The following GNB1 variants were observed in gnomAD, a reference collection of about 807,000 sequenced individuals.
GNB1 encodes G protein subunit beta 1, also known as guanine nucleotide-binding protein G(I)/G(S)/G(T) subunit beta-1.
In GNB1, 2 loss-of-function variants were observed where a neutral mutation model predicts 42.9. The observed-to-expected ratio is 0.05, with a 90% CI of 0.02 to 0.15. GNB1 has a LOEUF of 0.15. Among genes scored for constraint, GNB1 ranks in the 10% least tolerant of loss-of-function variants. The probability of loss-of-function intolerance (pLI) is 1.00; values close to 1 mark genes in which losing one functional copy is unlikely to be tolerated. For synonymous variants in GNB1, 183 were observed against 174.7 expected (o/e 1.05, Z -0.38); for missense variants, 193 against 462.2 (o/e 0.42, Z 5.34).
At chr1:1,847,295 A>G (rs1295970454) in intron 1 of GNB1, among the ~76,000 whole-genome samples, 2 of 152,218 alleles carry the variant, frequency 1.3e-5, no homozygotes, top group African/African-American at 4.8e-5. Flanking sequence ...AGACTGGGAC[A>G]ACAAAATCCC....
intron 1 of GNB1, among the ~76,000 whole-genome samples, chr1:1,844,391 CA>C (rs66531711): frequency 0.9 from 114,850 of 128,286 alleles, 51,242 homozygotes; most frequent in Non-Finnish European, 0.94. Flanking sequence ...ACTCCGTCTC[CA>C]AAAAAAAAAA....
intron 1 of GNB1, among the ~76,000 whole-genome samples, chr1:1,858,668 C>T (rs1648435743): frequency 6.6e-6 from 1 of 152,148 alleles, no homozygotes; most frequent in Non-Finnish European, 1.5e-5. Flanking sequence ...AACAAGATGC[C>T]AGGGACACTG....
intron 1 of GNB1, among the ~76,000 whole-genome samples, chr1:1,841,381 T>C (rs570250226): frequency 3.0e-4 from 45 of 152,282 alleles, no homozygotes; most frequent in African/African-American, 8.9e-4. Context: ...GGTTTCACTA[T>C]GTTGGCCAGG....
At chr1:1,848,906 A>G in intron 1 of GNB1, among the ~76,000 whole-genome samples, 1 of 152,194 alleles carries the variant, frequency 6.6e-6, no homozygotes, top group East Asian at 1.9e-4. Context: ...GTTCCTCAGA[A>G]GGAGCTTCAA....
chr1:1,888,754 C>G (rs1650299147), intron 1 of GNB1, among the ~76,000 whole-genome samples: 1 of 152,154 alleles, frequency 6.6e-6, no homozygotes, highest in Non-Finnish European at 1.5e-5. Context: ...AAGAGAATCA[C>G]TTGAACCCGG....
chr1:1,861,142 C>T (rs1374685915), intron 1 of GNB1, among the ~76,000 whole-genome samples: 4 of 149,746 alleles, frequency 2.7e-5, no homozygotes, highest in Admixed American at 2.7e-4. Context: ...AACTGACTTC[C>T]CAATCTTTGT....
At position 1,849,260 on chromosome 1, in the gene GNB1, T is replaced by C. The variant is rs1446113384; in HGVS notation, c.-95-10022A>G. On this transcript the variant is annotated intron_variant, in intron 1 of 11. Coordinates refer to ENST00000378609, the MANE Select transcript of GNB1 (RefSeq NM_002074.5). Reference sequence around the variant, plus strand: ...TGAGACTCTGCTAGGCCTTGCTGTATATATCTCTTCATTTGCCTGGTCTGA... The same window carrying C: ...TGAGACTCTGCTAGGCCTTGCTGTACATATCTCTTCATTTGCCTGGTCTGA... Among the ~76,000 whole-genome samples, 7 of 152,314 alleles carry C rather than the reference T, an allele frequency of 4.6e-5. No homozygotes were observed. The East Asian group carries it at 1.3e-3, about 29-fold the overall frequency.
chr1:1,860,030 C>G (rs928106580), intron 1 of GNB1, among the ~76,000 whole-genome samples: 1 of 152,058 alleles, frequency 6.6e-6, no homozygotes, highest in South Asian at 2.1e-4. Flanking sequence ...ACGTTGTGCA[C>G]ATGTACCCTA....
intron 2 of GNB1, among the ~76,000 whole-genome samples, chr1:1,836,885 AG>A (rs1434549082): frequency 2.8e-5 from 4 of 141,372 alleles, no homozygotes; most frequent in Admixed American, 2.2e-4. Context: ...TTGAAGAGAC[AG>A]GGGTCTCACT....
intron 2 of GNB1, among the ~76,000 whole-genome samples, chr1:1,837,820 C>G (rs1557916159): frequency 6.6e-6 from 1 of 151,908 alleles, no homozygotes; most frequent in Non-Finnish European, 1.5e-5. Context: ...ACCTTGGCCT[C>G]CCAAAATGCT....
Position 1,787,077 on chromosome 1 carries a change from A to C in GNB1, c.*10-24T>G. On this transcript the variant is annotated intron_variant, in intron 11 of 11. Transcript: ENST00000378609. The surrounding 1 kb of genome is among the most constrained non-coding windows in gnomAD (Gnocchi z 4.4). Reference sequence around the variant, plus strand: ...TGCTGTTTTAAACAGAGTTTAAAGAAATGTGAAAAGAGGCAGAGAATCTAA... The same window carrying C: ...TGCTGTTTTAAACAGAGTTTAAAGACATGTGAAAAGAGGCAGAGAATCTAA... 5.5e-6 allele frequency: 2 copies of C among 364,204 alleles called. No individual in the cohort carries two copies. The highest frequency in any genetic ancestry group is 1.0e-5 in the Non-Finnish European group (2 of 196,858). 22.6% of individuals were successfully genotyped at this position (364,204 alleles called of 1,614,324 possible). A position where few individuals can be genotyped will look rare whatever the true frequency, so the allele number is the denominator to read the frequency against.
chr1:1,842,384 T>C (rs1470250180), intron 1 of GNB1, among the ~76,000 whole-genome samples: 1 of 150,468 alleles, frequency 6.6e-6, no homozygotes, highest in Non-Finnish European at 1.5e-5. Context: ...GAGCCAAGGT[T>C]GCACCCCTGC....
At chr1:1,835,342 C>G (rs1371581533) in intron 2 of GNB1, among the ~76,000 whole-genome samples, 1 of 152,170 alleles carries the variant, frequency 6.6e-6, no homozygotes, top group Admixed American at 6.5e-5. Flanking sequence ...CTTCTCTCTG[C>G]CTACATTTTT....
At chr1:1,805,880 T>A (rs16824385) in intron 6 of GNB1, among the ~76,000 whole-genome samples, 2,406 of 152,290 alleles carry the variant, frequency 0.016, 64 homozygotes, top group African/African-American at 0.054. Flanking sequence ...AAAATGGACA[T>A]TCCTACAATC....
intron 3 of GNB1, among the ~76,000 whole-genome samples, chr1:1,822,999 T>C (rs141640389): frequency 0.014 from 2,117 of 152,052 alleles, 47 homozygotes; most frequent in African/African-American, 0.048. Context: ...TCCCCGCACT[T>C]TGGGAGGCCG....
chr1:1,845,431 G>GGC (rs1436370215), intron 1 of GNB1, among the ~76,000 whole-genome samples: 1 of 152,122 alleles, frequency 6.6e-6, no homozygotes, highest in Non-Finnish European at 1.5e-5. Context: ...AAATTAGCCA[G>GGC]GTGGGATGGC....
At chr1:1,850,001 G>A (rs974032261) in intron 1 of GNB1, among the ~76,000 whole-genome samples, 3 of 151,836 alleles carry the variant, frequency 2.0e-5, no homozygotes, top group African/African-American at 4.8e-5. Context: ...ATGGAGTCTC[G>A]CTCTGTACAT....
At chr1:1,889,962 ACCTTCGGG>A (rs1650384074) in intron 1 of GNB1, among the ~76,000 whole-genome samples, 1 of 115,576 alleles carries the variant, frequency 8.7e-6, no homozygotes. Flanking sequence ...CCTCTCCCCC[ACCTTCGGG>A]CCTTCGGAAT....
At chr1:1,837,315 C>T (rs1487212206) in intron 2 of GNB1, among the ~76,000 whole-genome samples, 1 of 146,328 alleles carries the variant, frequency 6.8e-6, no homozygotes, top group South Asian at 2.1e-4. Context: ...AGTGCAGTAG[C>T]GTGATCTTGG....
Sources: allele counts gnomAD v4.1 joint callset (sites outside exome capture counted in the v4.1 genomes callset), GRCh38; gene constraint gnomAD v4.1.1; non-coding constraint Gnocchi (gnomAD v3.1); transcripts MANE v1.5; gene names NCBI Gene and HGNC (gene_info 2026-07-23, HGNC 2026-07-21).